The following CSMD1 variants were observed in gnomAD, a reference collection of about 807,000 sequenced individuals.
CSMD1 encodes CUB and Sushi multiple domains 1, also known as CUB and sushi domain-containing protein 1.
CSMD1 carries 213 observed loss-of-function variants against 417.5 expected under a neutral mutation model. That is an observed-to-expected ratio of 0.51 (90% CI 0.46 to 0.57). The LOEUF (loss-of-function observed/expected upper bound fraction) is 0.57, where lower values mean the gene tolerates loss of function less well. Among genes scored for constraint, CSMD1 ranks in the 20% least tolerant of loss-of-function variants. CSMD1 has a pLI of 0.00. For synonymous variants in CSMD1, 2,862 were observed against 1,736.8 expected (o/e 1.65, Z -16.11); for missense variants, 6,923 against 4,529.7 (o/e 1.53, Z -15.17).
At chr8:4,513,898 A>G (rs1802962814) in intron 2 of CSMD1, among the ~76,000 whole-genome samples, 1 of 152,162 alleles carries the variant, frequency 6.6e-6, no homozygotes, top group South Asian at 2.1e-4. Context: ...GTTCCTAGGT[A>G]TTGCTAATTT....
intron 5 of CSMD1, among the ~76,000 whole-genome samples, chr8:3,942,398 T>A (rs773960949): frequency 6.6e-6 from 1 of 152,086 alleles, no homozygotes; most frequent in Non-Finnish European, 1.5e-5. Context: ...TTTCTCAAAG[T>A]GACACTGCTA....
At chr8:3,300,264 T>C (rs966648158) in intron 25 of CSMD1, among the ~76,000 whole-genome samples, 1 of 152,202 alleles carries the variant, frequency 6.6e-6, no homozygotes, top group African/African-American at 2.4e-5. Context: ...TCACATTTTA[T>C]GTTTGTATTT....
chr8:3,861,371 G>A (rs895745328), intron 5 of CSMD1, among the ~76,000 whole-genome samples: 1 of 152,314 alleles, frequency 6.6e-6, no homozygotes, highest in South Asian at 2.1e-4. Context: ...AATATGAGCT[G>A]TCTTAGCAGA....
At chr8:4,469,186 G>A (rs77894158) in intron 2 of CSMD1, among the ~76,000 whole-genome samples, 2,800 of 152,224 alleles carry the variant, frequency 0.018, 94 homozygotes, top group African/African-American at 0.063. Context: ...ATCAGTGGCA[G>A]GGACCTAGAA....
At chr8:3,755,368 G>A (rs1377686939) in intron 5 of CSMD1, among the ~76,000 whole-genome samples, 2 of 152,194 alleles carry the variant, frequency 1.3e-5, no homozygotes, top group African/African-American at 4.8e-5. Flanking sequence ...TGTACCTGAA[G>A]CACATTCTCC....
intron 3 of CSMD1, among the ~76,000 whole-genome samples, chr8:4,077,301 A>ATATATATATG (rs1563092807): frequency 2.7e-5 from 2 of 73,554 alleles, no homozygotes; most frequent in African/African-American, 7.3e-5. Context: ...ATATGTGTAT[A>ATATATATATG]TATATATATA....
In CSMD1 at chr8:3,179,085, C is replaced by G. The variant is rs1003865034; in HGVS notation, c.5725+2025G>C. 2.7e-5 allele frequency among the ~76,000 whole-genome samples: 4 copies of G among 150,710 alleles called. No individual in the cohort carries two copies. The South Asian group carries it at 6.5e-4, about 24-fold the overall frequency. ...GCCTCAGCCTCCTGAGCAGCTGGGA[C>G]TACAGGCCCGCCACCACGCCTGGCT... On this transcript the variant is annotated intron_variant, in intron 37 of 69. Transcript: ENST00000635120.
intron 68 of CSMD1, among the ~76,000 whole-genome samples, chr8:2,944,954 A>G (rs914752917): frequency 7.2e-5 from 11 of 152,328 alleles, no homozygotes; most frequent in African/African-American, 2.4e-4. Flanking sequence ...ACCTCACATG[A>G]AAACAAAGAA....
chr8:3,606,885 G>C (rs1302986688), intron 8 of CSMD1, among the ~76,000 whole-genome samples: 1 of 151,704 alleles, frequency 6.6e-6, no homozygotes, highest in African/African-American at 2.4e-5. Context: ...AAATTTTTTT[G>C]TATTTTTGTA....
In CSMD1 at chr8:4,020,951, G is replaced by A. The variant is rs78335309; in HGVS notation, c.610+10954C>T. On this transcript the variant is annotated intron_variant, in intron 4 of 69. Coordinates refer to ENST00000635120, the MANE Select transcript of CSMD1 (RefSeq NM_033225.6). Reference sequence around the variant, plus strand: ...GGAAGAATTTCCAACACATTGTGACGTGGACTTTGATATCTCAGACCCATT... The same window carrying A: ...GGAAGAATTTCCAACACATTGTGACATGGACTTTGATATCTCAGACCCATT... Among the ~76,000 whole-genome samples, 1,125 of 152,324 alleles carry A rather than the reference G, an allele frequency of 7.4e-3. 17 individuals are homozygous for A. Among genetic ancestry groups the A allele is most frequent in the African/African-American group, 0.025 (1,031 of 41,578 alleles).
chr8:3,432,401 G>T (rs2117025212), intron 12 of CSMD1, among the ~76,000 whole-genome samples: 1 of 152,090 alleles, frequency 6.6e-6, no homozygotes, highest in East Asian at 1.9e-4. Flanking sequence ...CTTAGCTTTT[G>T]CAGGTAATGG....
intron 1 of CSMD1, among the ~76,000 whole-genome samples, chr8:4,864,181 A>C (rs531501807): frequency 2.6e-5 from 4 of 152,058 alleles, no homozygotes; most frequent in Admixed American, 2.6e-4. Context: ...CTCAAATAAT[A>C]ATGAAGTACA....
chr8:3,682,088 C>G (rs1799694018), intron 7 of CSMD1, among the ~76,000 whole-genome samples: 1 of 152,098 alleles, frequency 6.6e-6, no homozygotes, highest in African/African-American at 2.4e-5. Context: ...CGTAAAAACC[C>G]TAGAAGAAAA....
intron 26 of CSMD1, among the ~76,000 whole-genome samples, chr8:3,260,908 G>C (rs1031306256): frequency 1.3e-5 from 2 of 152,116 alleles, no homozygotes; most frequent in African/African-American, 4.8e-5. Flanking sequence ...TCTGACAACA[G>C]ACTAGTGTCT....
chr8:3,951,767 G>C (rs999177381), intron 5 of CSMD1, among the ~76,000 whole-genome samples: 5 of 152,120 alleles, frequency 3.3e-5, no homozygotes, highest in Non-Finnish European at 7.3e-5. Context: ...TAGAAAATGA[G>C]GGTGACCTGT....
intron 5 of CSMD1, among the ~76,000 whole-genome samples, chr8:3,879,504 G>A (rs761193052): frequency 8.5e-5 from 13 of 152,154 alleles, no homozygotes; most frequent in Admixed American, 2.6e-4. Context: ...CCAAGTTACC[G>A]TGAGAGCAAG....
intron 5 of CSMD1, among the ~76,000 whole-genome samples, chr8:3,889,906 C>T (rs2627342): frequency 0.033 from 5,020 of 152,026 alleles, 286 homozygotes; most frequent in African/African-American, 0.12. Context: ...TTCTGAGTTG[C>T]GCATAATGCC....
chr8:4,765,823 A>C (rs1039561294), intron 1 of CSMD1, among the ~76,000 whole-genome samples: 2 of 152,172 alleles, frequency 1.3e-5, no homozygotes, highest in Non-Finnish European at 1.5e-5. Context: ...TGGAGTTAAC[A>C]ATAGTTAGAG....
rs139830203 is a variant in CSMD1, at chr8:4,659,175, T to A, written c.86-21617A>T. Among the ~76,000 whole-genome samples, 415 of 151,842 alleles carry A rather than the reference T, an allele frequency of 2.7e-3. 2 individuals carry two copies. Among genetic ancestry groups the A allele is most frequent in the Non-Finnish European group, 4.5e-3 (304 of 67,934 alleles). ...AAATAAAAAGTTTCCTGGAGACAAA[T>A]GAAAACGAGGACACACAAAAATATA... On this transcript the variant is annotated intron_variant, in intron 1 of 69. Transcript: ENST00000635120.
Sources: allele counts gnomAD v4.1 joint callset (sites outside exome capture counted in the v4.1 genomes callset), GRCh38; gene constraint gnomAD v4.1.1; transcripts MANE v1.5; gene names NCBI Gene and HGNC (gene_info 2026-07-23, HGNC 2026-07-21).